The following AMPD1 variants were observed in gnomAD, a reference collection of about 807,000 sequenced individuals.
The protein encoded by AMPD1 is AMP deaminase 1.
A neutral mutation model predicts 82.9 loss-of-function variants in AMPD1; 74 were observed. The observed-to-expected ratio is 0.89, with a 90% CI of 0.74 to 1.08. The LOEUF (loss-of-function observed/expected upper bound fraction) is 1.08, where lower values mean the gene tolerates loss of function less well. Ranked by LOEUF, AMPD1 falls within the 50% of genes least tolerant of loss-of-function variation. The probability of loss-of-function intolerance (pLI) is 0.00; values close to 1 mark genes in which losing one functional copy is unlikely to be tolerated. For synonymous variants in AMPD1, 333 were observed against 320.5 expected, an observed-to-expected ratio of 1.04 and a Z score of -0.42; for missense variants, 881 against 924.5, an observed-to-expected ratio of 0.95 and a Z score of 0.61.
At position 114,673,676 on chromosome 1, in the gene AMPD1, G is replaced by A. The variant is rs1377534915; in HGVS notation, c.2048C>T (p.Ala683Val). 1 of 1,613,886 alleles carries A rather than the reference G, an allele frequency of 6.2e-7. No homozygotes were observed. The highest frequency in any genetic ancestry group is 8.5e-7 in the Non-Finnish European group (1 of 1,179,968). ...TCCACACTGCAAGACACTGTTCCTTGCCACTTCGCACATATCACAGGTGCT... is the reference window on the plus strand; with the variant it reads ...TCCACACTGCAAGACACTGTTCCTTACCACTTCGCACATATCACAGGTGCT... ...KLSTCDMCEV[A>V]RNSVLQCGIS... The change falls in exon 15 of 16, where the codon GCA (alanine) becomes GTA (valine). Residue 683 changes from alanine to valine, a missense_variant. Ala to Val is a moderately conservative substitution (Grantham distance 64, BLOSUM62 0). This residue lies in a region of AMPD1 where 98 missense variants were observed against 138.1 expected (regional missense o/e 0.71). Coordinates refer to ENST00000520113, the MANE Select transcript of AMPD1 (RefSeq NM_000036.3).
rs747318529 is a variant in AMPD1, at chr1:114,695,504, A to G, written c.-33T>C. 79 of 1,614,030 alleles carry G rather than the reference A, an allele frequency of 4.9e-5. No individual in the cohort carries two copies. Among genetic ancestry groups the G allele is most frequent in the Non-Finnish European group, 5.3e-5 (63 of 1,180,016 alleles). On this transcript the variant is annotated 5_prime_UTR_variant, in exon 1 of 16. Coordinates refer to ENST00000520113, the MANE Select transcript of AMPD1 (RefSeq NM_000036.3). ...GAAATCCTTGATTCTAGGATAGCAC[A>G]GTAGAAAAGAAGAGAGAGGAGACTG...
At chr1:114,693,161 T>C (rs1658568030) in intron 2 of AMPD1, among the ~76,000 whole-genome samples, 1 of 130,360 alleles carries the variant, frequency 7.7e-6, no homozygotes, top group Admixed American at 7.2e-5. Flanking sequence ...AATAAATAAA[T>C]AAATAAGTAA....
rs138973178 is a variant in AMPD1 at position 114,685,944 on chromosome 1, G to A, written c.381+801C>T. Among the ~76,000 whole-genome samples the A allele has an allele frequency of 9.5e-3, 1,454 of 152,300 alleles. 16 individuals are homozygous for A. Among genetic ancestry groups the A allele is most frequent in the Middle Eastern group, 0.051 (15 of 294 alleles). ...AAGTGGGTCAGTTACATGAGAAGGG[G>A]ACCCAGCACTGGTCATTAAAACTAT... On this transcript the variant is annotated intron_variant, in intron 4 of 15. Coordinates refer to ENST00000520113, the MANE Select transcript of AMPD1 (RefSeq NM_000036.3).
At chr1:114,676,292 T>C (rs1657978992) in intron 10 of AMPD1, 1 of 384,218 alleles carries the variant, frequency 2.6e-6, no homozygotes, top group Non-Finnish European at 4.9e-6. Context: ...TAGAGGAATA[T>C]GCAATTACGT....
At chr1:114,676,842 G>A (rs556365033) in intron 10 of AMPD1, among the ~76,000 whole-genome samples, 1 of 152,264 alleles carries the variant, frequency 6.6e-6, no homozygotes, top group African/African-American at 2.4e-5. Flanking sequence ...CATCCCTGAA[G>A]GCGATGAATG....
chr1:114,687,155 A>G (rs888829452), intron 3 of AMPD1, among the ~76,000 whole-genome samples: 8 of 152,122 alleles, frequency 5.3e-5, no homozygotes, highest in African/African-American at 1.9e-4. Context: ...GACCTTCACC[A>G]TGACACCCTT....
chr1:114,689,777 A>T (rs1277336847), intron 2 of AMPD1, among the ~76,000 whole-genome samples: 3 of 152,204 alleles, frequency 2.0e-5, no homozygotes, highest in Non-Finnish European at 1.5e-5. Flanking sequence ...AGACTGCACC[A>T]CTGCCCTCCA....
rs532589702 is a variant in AMPD1 at position 114,677,946 on chromosome 1, A to G, written c.1188T>C (p.Asn396=). The G allele has an allele frequency of 7.1e-5, 115 of 1,613,468 alleles. 3 individuals carry two copies. In the South Asian group the frequency reaches 1.3e-3, roughly 18 times the overall value. ...TGGCAAAATATTCCCCATTAATGTA[A>G]TTGTCTGTCTTCAAGTAGAGGTCCC... ...ELRDLYLKTD[N]YINGEYFATI... Residue 396 remains asparagine (N), a synonymous_variant, in exon 9 of 16, where the codon AAT becomes AAC. Transcript: ENST00000520113.
chr1:114,686,315 A>G (rs1384094954), intron 4 of AMPD1, among the ~76,000 whole-genome samples: 2 of 150,962 alleles, frequency 1.3e-5, no homozygotes, highest in East Asian at 3.9e-4. Flanking sequence ...TGGTTGGTTT[A>G]TGCTATCTGC....
chr1:114,674,082 T>G lies in AMPD1; in HGVS notation c.1801A>C (p.Ser601Arg). 1 of 1,613,206 alleles carries G rather than the reference T, an allele frequency of 6.2e-7. No homozygotes were observed. Among genetic ancestry groups the G allele is most frequent in the Non-Finnish European group, 8.5e-7 (1 of 1,179,364 alleles). ...DISHGLNLKK[S>R]PVLQYLFFLA... is the part of the protein sequence containing the mutation. ...AAAAACAAGTACTGTAGCACGGGAC[T>G]CTGAAAAAGAAAAGTAAAAAAATAT... The change falls in exon 14 of 16, where the codon AGT becomes CGT. Residue 601 changes from serine (S) to arginine (R), a missense_variant and splice_region_variant. Coordinates refer to ENST00000520113, the MANE Select transcript of AMPD1 (RefSeq NM_000036.3).
rs1044736828 is a variant in AMPD1 at position 114,693,212 on chromosome 1, T to TTA, written c.34+222_34+223dup. On this transcript the variant is annotated intron_variant, in intron 2 of 15. Coordinates refer to ENST00000520113, the MANE Select transcript of AMPD1 (RefSeq NM_000036.3). ...TTTTCTTTTAAAAAATTATATATAA[T>TTA]TATATATATATATATGTTTATACAC... 9.8e-4 allele frequency among the ~76,000 whole-genome samples: 145 copies of TTA among 147,676 alleles called. 1 individual carries two copies. The highest frequency in any genetic ancestry group is 7.2e-3 in the Middle Eastern group (2 of 278).
In AMPD1 at chr1:114,674,737, G is replaced by C. The variant is rs570359428; in HGVS notation, c.1800+15C>G. 3.7e-5 allele frequency: 59 copies of C among 1,612,820 alleles called. No homozygotes were observed. The East Asian group carries it at 6.2e-4, about 17-fold the overall frequency. On this transcript the variant is annotated intron_variant, in intron 13 of 15. Transcript: ENST00000520113. Reference sequence around the variant, plus strand: ...AGCTCCAATGTAAAAGTTAAGAAGAGAGCTTCCAACTCACCTTTTTTAAAT... The same window carrying C: ...AGCTCCAATGTAAAAGTTAAGAAGACAGCTTCCAACTCACCTTTTTTAAAT...
rs191957200 is a variant in AMPD1 at position 114,678,137 on chromosome 1, G to C, written c.1093-96C>G. Reference sequence around the variant, plus strand: ...TCAAGCAGAACTGGGGTCTGGTAGTGGGGGAGGGCATTGGGCTCCAAGAAT... The same window carrying C: ...TCAAGCAGAACTGGGGTCTGGTAGTCGGGGAGGGCATTGGGCTCCAAGAAT... On this transcript the variant is annotated intron_variant, in intron 8 of 15. Transcript: ENST00000520113. 13 of 1,541,730 alleles carry C rather than the reference G, an allele frequency of 8.4e-6. No individual in the cohort carries two copies. The African/African-American group carries it at 1.1e-4, about 13-fold the overall frequency.
chr1:114,678,467 TAATA>T lies in AMPD1; in HGVS notation c.954_957del (p.Phe318LeufsTer21), dbSNP rs1557969961. The T allele has an allele frequency of 6.2e-7, 1 of 1,614,190 alleles. No individual in the cohort carries two copies. Among genetic ancestry groups the T allele is most frequent in the South Asian group, 1.1e-5 (1 of 91,090 alleles). On this transcript the variant is annotated frameshift_variant, in exon 8 of 16. Coordinates refer to ENST00000520113, the MANE Select transcript of AMPD1 (RefSeq NM_000036.3). LOFTEE classifies it high-confidence loss of function. ...TCAGCATCAATTTGGTAAGATTTCT[TAATA>T]AAACGCAGCAGATGTTTCTGGTTCA... is the stretch of plus-strand genomic sequence containing the variant.
intron 10 of AMPD1, 124 bp from the exon 11 acceptor site, chr1:114,676,127 TC>T: frequency 8.8e-7 from 1 of 1,134,732 alleles, no homozygotes; most frequent in Non-Finnish European, 1.3e-6. Context: ...CTATCCTAGG[TC>T]CATGCTCCTC....
chr1:114,688,514 C>T (rs1409349320), intron 3 of AMPD1, 47 bp downstream of exon 3: 2 of 1,595,156 alleles, frequency 1.3e-6, no homozygotes, highest in South Asian at 2.2e-5. Context: ...TGGCAGATAC[C>T]CCTCCTTAGG....
chr1:114,678,977 GTAAT>G (rs1261774109), intron 7 of AMPD1, among the ~76,000 whole-genome samples: 1 of 152,184 alleles, frequency 6.6e-6, no homozygotes. Context: ...AGCAGATTAA[GTAAT>G]TAGTCCAAAG....
chr1:114,691,622 T>C (rs1395602238), intron 2 of AMPD1, among the ~76,000 whole-genome samples: 1 of 151,816 alleles, frequency 6.6e-6, no homozygotes, highest in Non-Finnish European at 1.5e-5. Context: ...GTGAAACTTA[T>C]ATTTCAAAAG....
chr1:114,676,146 CT>C, intron 10 of AMPD1, 143 bp from the exon 11 acceptor site: 1 of 1,044,238 alleles, frequency 9.6e-7, no homozygotes, highest in Non-Finnish European at 1.4e-6. Context: ...CTCATACATT[CT>C]TTTTGGTCCC....
Sources: allele counts gnomAD v4.1 joint callset (sites outside exome capture counted in the v4.1 genomes callset), GRCh38; gene constraint gnomAD v4.1.1; regional missense constraint gnomAD v4.1.1; transcripts MANE v1.5; gene names NCBI Gene and HGNC (gene_info 2026-07-23, HGNC 2026-07-21).